The following WDR89 variants were observed in gnomAD, a reference collection of about 807,000 sequenced individuals.
WDR89 encodes the protein WD repeat-containing protein 89.
WDR89 carries 17 observed loss-of-function variants against 29.1 expected under a neutral mutation model. The observed-to-expected ratio is 0.58, with a 90% CI of 0.40 to 0.88. The LOEUF is 0.88. Among genes scored for constraint, WDR89 ranks in the 40% least tolerant of loss-of-function variants. The pLI is 0.00. For synonymous variants in WDR89, 138 were observed against 157.8 expected (o/e 0.87, Z 0.94); for missense variants, 396 against 456.3 (o/e 0.87, Z 1.20).
chr14:63,600,510 A>G (rs1021587831), intron 2 of WDR89, among the ~76,000 whole-genome samples: 43 of 151,988 alleles, frequency 2.8e-4, no homozygotes, highest in African/African-American at 9.9e-4. Flanking sequence ...AGAAAAAAAA[A>G]ATGCTGAATT....
chr14:63,626,376 G>C (rs1358735353), intron 1 of WDR89, among the ~76,000 whole-genome samples: 1 of 151,862 alleles, frequency 6.6e-6, no homozygotes, highest in Admixed American at 6.6e-5. Flanking sequence ...AACGTAAAAA[G>C]ATGTTCAACC....
chr14:63,604,786 C>A (rs989657799), intron 2 of WDR89, among the ~76,000 whole-genome samples: 15 of 152,280 alleles, frequency 9.9e-5, no homozygotes, highest in Middle Eastern at 3.4e-3. Context: ...AACTTTCACA[C>A]ATTAAAATCA....
intron 2 of WDR89, among the ~76,000 whole-genome samples, chr14:63,617,142 G>A (rs1263938130): frequency 2.1e-5 from 3 of 145,940 alleles, no homozygotes; most frequent in East Asian, 2.0e-4. Flanking sequence ...GCACAATGGC[G>A]CGATCTCGGC....
At chr14:63,639,107 G>A (rs1883927888) in intron 1 of WDR89, among the ~76,000 whole-genome samples, 1 of 152,106 alleles carries the variant, frequency 6.6e-6, no homozygotes, top group Non-Finnish European at 1.5e-5. Context: ...GCCACTACAA[G>A]CTGAAAAAGG....
chr14:63,635,196 T>C (rs968290893), intron 1 of WDR89, among the ~76,000 whole-genome samples: 8 of 152,100 alleles, frequency 5.3e-5, no homozygotes, highest in African/African-American at 1.9e-4. Flanking sequence ...TATAGACCAA[T>C]ATCCTTGATG....
chr14:63,618,648 C>G (rs1000658054), intron 2 of WDR89, among the ~76,000 whole-genome samples: 9 of 151,704 alleles, frequency 5.9e-5, no homozygotes, highest in African/African-American at 2.2e-4. Flanking sequence ...AGTCAAACAT[C>G]CTAAAAATGA....
chr14:63,601,385 G>C lies in WDR89; in HGVS notation c.-31-1412C>G, dbSNP rs112360064. 2.2e-4 allele frequency: 136 copies of C among 629,190 alleles called. 3 individuals carry two copies. Among genetic ancestry groups the C allele is most frequent in the African/African-American group, 1.9e-3 (104 of 54,132 alleles). The allele number at this position is 629,190 out of a possible 1,614,324, so 39.0% of individuals were successfully genotyped here. A position where few individuals can be genotyped will look rare whatever the true frequency, so the allele number is the denominator to read the frequency against. ...GACTGTGCTCTAAACCACCATACTA[G>C]ATTGCCTCTCCAGGGTGGGCTGTAT... On this transcript the variant is annotated intron_variant, in intron 2 of 2. Transcript: ENST00000620954.
rs113017627 is a variant in WDR89, at chr14:63,607,899, A to G, written c.-31-7926T>C. Among the ~76,000 whole-genome samples, 81 of 148,836 alleles carry G rather than the reference A, an allele frequency of 5.4e-4. 1 individual carries two copies. The highest frequency in any genetic ancestry group is 1.9e-3 in the African/African-American group (77 of 40,328). ...TCTGACTCAAAAAAAAAAAAAAAAG[A>G]AAAGAAAAAGGAAAGAAACCCCAGG... On this transcript the variant is annotated intron_variant, in intron 2 of 2. Transcript: ENST00000620954.
intron 1 of WDR89, among the ~76,000 whole-genome samples, chr14:63,628,514 G>C (rs1883208157): frequency 6.6e-6 from 1 of 152,254 alleles, no homozygotes; most frequent in South Asian, 2.1e-4. Context: ...ATGAGATGGG[G>C]TCAAGATCTT....
intron 2 of WDR89, among the ~76,000 whole-genome samples, chr14:63,608,695 C>A (rs549717548): frequency 2.0e-5 from 3 of 151,946 alleles, no homozygotes; most frequent in African/African-American, 7.3e-5. Flanking sequence ...CACACACACA[C>A]ACAAATAGGT....
intron 1 of WDR89, among the ~76,000 whole-genome samples, chr14:63,630,061 T>G (rs1310960170): frequency 1.3e-5 from 2 of 152,136 alleles, no homozygotes; most frequent in South Asian, 4.2e-4. Flanking sequence ...GATTTTCCTG[T>G]CTCAACCTCC....
At chr14:63,617,361 A>G (rs1245982120) in intron 2 of WDR89, among the ~76,000 whole-genome samples, 1 of 152,132 alleles carries the variant, frequency 6.6e-6, no homozygotes, top group Non-Finnish European at 1.5e-5. Context: ...GATTATGGGA[A>G]TGCGCCACTG....
At chr14:63,607,123 A>G (rs1436532700) in intron 2 of WDR89, among the ~76,000 whole-genome samples, 1 of 152,172 alleles carries the variant, frequency 6.6e-6, no homozygotes, top group Non-Finnish European at 1.5e-5. Context: ...ACAATAAGCA[A>G]TCATCCTTTA....
intron 1 of WDR89, among the ~76,000 whole-genome samples, chr14:63,634,929 T>G (rs1216883282): frequency 6.6e-6 from 1 of 151,226 alleles, no homozygotes; most frequent in Admixed American, 6.6e-5. Context: ...TCCCAGCTAC[T>G]TCGAAGGCTG....
intron 2 of WDR89, chr14:63,601,548 C>A (rs576996545): frequency 1.3e-6 from 2 of 1,578,718 alleles, no homozygotes; most frequent in South Asian, 1.1e-5. Flanking sequence ...ACTCTTTGAC[C>A]GAGTATTGGT....
chr14:63,613,227 G>C (rs978034641), intron 2 of WDR89, among the ~76,000 whole-genome samples: 1 of 152,100 alleles, frequency 6.6e-6, no homozygotes, highest in African/African-American at 2.4e-5. Context: ...GGCTGCATCA[G>C]TCAATCAGCG....
In WDR89 at chr14:63,597,620, GT is replaced by G. The variant is rs1225108235; in HGVS notation, c.*1158del. 6.6e-6 allele frequency: 1 copy of G among 151,848 alleles called. No homozygotes were observed. Among genetic ancestry groups the G allele is most frequent in the Non-Finnish European group, 1.5e-5 (1 of 67,986 alleles). 9.4% of individuals were successfully genotyped at this position (151,848 alleles called of 1,614,324 possible). A position where few individuals can be genotyped will look rare whatever the true frequency, so the allele number is the denominator to read the frequency against. ...TGTTTTAATAGTTTCACTTCCAATT[GT>G]TTTATGAATGCGATTTCTCCAGATA... On this transcript the variant is annotated 3_prime_UTR_variant, in exon 3 of 3. Transcript: ENST00000620954.
chr14:63,636,710 C>T (rs1177090719), intron 1 of WDR89, among the ~76,000 whole-genome samples: 1 of 152,116 alleles, frequency 6.6e-6, no homozygotes, highest in Admixed American at 6.6e-5. Context: ...ATTGGCTAGC[C>T]ACATGGAGGA....
intron 2 of WDR89, among the ~76,000 whole-genome samples, chr14:63,600,717 C>CAAAAAAAAAAAAAAAAAAAA (rs56059698): frequency 5.5e-5 from 2 of 36,144 alleles, no homozygotes; most frequent in African/African-American, 1.2e-4. Flanking sequence ...GATATGTAGG[C>CAAAAAAAAAAAAAAAAAAAA]AAAAAAAAAA....
Sources: gnomAD v4.1 joint callset for allele counts (sites outside exome capture counted in the v4.1 genomes callset) on GRCh38, gnomAD v4.1.1 for gene constraint, MANE v1.5 for transcripts, NCBI Gene and HGNC (gene_info 2026-07-23, HGNC 2026-07-21) for gene names.